The following CABCOCO1 variants were observed in gnomAD, a reference collection of about 807,000 sequenced individuals.
CABCOCO1 encodes ciliary associated calcium binding coiled-coil 1.
A neutral mutation model predicts 35.7 loss-of-function variants in CABCOCO1; 28 were observed. The ratio of observed to expected loss-of-function variants is 0.78; its 90% confidence interval spans 0.58 to 1.07. CABCOCO1 has a LOEUF of 1.07. Ranked by LOEUF, CABCOCO1 falls within the 50% of genes least tolerant of loss-of-function variation. The probability of loss-of-function intolerance (pLI) is 0.00; values close to 1 mark genes in which losing one functional copy is unlikely to be tolerated. For synonymous variants in CABCOCO1, 95 were observed against 100.1 expected (o/e 0.95, Z 0.30); for missense variants, 326 against 309.2 (o/e 1.05, Z -0.41).
At position 61,686,109 on chromosome 10, in the gene CABCOCO1, C is replaced by T; in HGVS notation, c.403C>T (p.His135Tyr). The change falls in exon 4 of 8, where the codon CAT becomes TAT. Residue 135 changes from histidine to tyrosine, a missense_variant. Physicochemically the swap from His to Tyr is moderately conservative, Grantham distance 83. Transcript: ENST00000648843. ...GEVMAEIGPT[H>Y]SQKSEDWNIF... Reference sequence around the variant, plus strand: ...AGTTATGGCTGAAATAGGACCAACACATTCGCAAAAGAGTGAGGACTGGAA... The same window carrying T: ...AGTTATGGCTGAAATAGGACCAACATATTCGCAAAAGAGTGAGGACTGGAA... The T allele has an allele frequency of 6.2e-7, 1 of 1,608,330 alleles. No individual in the cohort carries two copies. Among genetic ancestry groups the T allele is most frequent in the Non-Finnish European group, 8.5e-7 (1 of 1,178,054 alleles).
chr10:61,746,343 T>C (rs1462376073), intron 5 of CABCOCO1, among the ~76,000 whole-genome samples: 2 of 152,224 alleles, frequency 1.3e-5, no homozygotes, highest in Non-Finnish European at 2.9e-5. Context: ...TGACTCATTA[T>C]GATTTTTACA....
chr10:61,726,614 C>G (rs1322762754), intron 5 of CABCOCO1, among the ~76,000 whole-genome samples: 1 of 151,704 alleles, frequency 6.6e-6, no homozygotes, highest in Non-Finnish European at 1.5e-5. Context: ...AATAAAATCC[C>G]TTTATCTGGT....
intron 5 of CABCOCO1, among the ~76,000 whole-genome samples, chr10:61,742,177 A>G (rs1841563080): frequency 6.6e-6 from 1 of 152,172 alleles, no homozygotes; most frequent in African/African-American, 2.4e-5. Context: ...TCCAGGATTC[A>G]GTTTGAGTAG....
intron 1 of CABCOCO1, among the ~76,000 whole-genome samples, chr10:61,664,919 C>G (rs1291953719): frequency 2.6e-5 from 4 of 152,184 alleles, no homozygotes; most frequent in African/African-American, 9.7e-5. Flanking sequence ...AGGTTCTTCT[C>G]AGATCAAATT....
At chr10:61,736,945 G>A (rs1462387172) in intron 5 of CABCOCO1, among the ~76,000 whole-genome samples, 1 of 151,940 alleles carries the variant, frequency 6.6e-6, no homozygotes, top group Non-Finnish European at 1.5e-5. Flanking sequence ...CTCTCAGTTT[G>A]GTTGCTGCTG....
chr10:61,702,512 A>G (rs1344602503), intron 5 of CABCOCO1, among the ~76,000 whole-genome samples: 2 of 152,228 alleles, frequency 1.3e-5, no homozygotes, highest in African/African-American at 4.8e-5. Context: ...ATAAATATAT[A>G]GCTGGCTCTA....
At chr10:61,680,560 A>ATAACATATTATATG (rs1839710238) in intron 2 of CABCOCO1, among the ~76,000 whole-genome samples, 1 of 22,424 alleles carries the variant, frequency 4.5e-5, no homozygotes, top group African/African-American at 1.2e-4. Context: ...CATATAATAT[A>ATAACATATTATATG]TATTTGTATA....
intron 5 of CABCOCO1, among the ~76,000 whole-genome samples, chr10:61,714,920 C>G (rs1291711202): frequency 4.6e-5 from 7 of 152,102 alleles, no homozygotes; most frequent in Non-Finnish European, 2.9e-5. Flanking sequence ...CTGAGGAGTG[C>G]TTTACTTCCA....
At chr10:61,758,423 T>C (rs1841942731) in intron 5 of CABCOCO1, among the ~76,000 whole-genome samples, 1 of 152,110 alleles carries the variant, frequency 6.6e-6, no homozygotes. Context: ...AAATTCTTGT[T>C]TGCCCCATTT....
intron 1 of CABCOCO1, among the ~76,000 whole-genome samples, chr10:61,671,764 A>G (rs2131954703): frequency 6.6e-6 from 1 of 152,198 alleles, no homozygotes; most frequent in South Asian, 2.1e-4. Flanking sequence ...CCTCCAGTAG[A>G]TTACCCTTCC....
At chr10:61,681,091 T>A (rs1398645148) in intron 2 of CABCOCO1, 52 bp from the exon 3 acceptor site, 1 of 1,126,002 alleles carries the variant, frequency 8.9e-7, no homozygotes, top group African/African-American at 1.7e-5. Flanking sequence ...AGGAAAGAAA[T>A]GGTTCAATAT....
chr10:61,766,191 T>A lies in CABCOCO1; in HGVS notation c.*178T>A. 1 of 523,156 alleles carries A rather than the reference T, an allele frequency of 1.9e-6. No homozygotes were observed. The highest frequency in any genetic ancestry group is 3.0e-5 in the South Asian group (1 of 33,784). 32.4% of individuals were successfully genotyped at this position (523,156 alleles called of 1,614,324 possible). A position where few individuals can be genotyped will look rare whatever the true frequency, so the allele number is the denominator to read the frequency against. ...TTGGTCCCAATTTTGCTATCTCCCA[T>A]CCCATAACAGCCTCTGAATTTATTG... On this transcript the variant is annotated 3_prime_UTR_variant, in exon 8 of 8. Transcript: ENST00000648843.
intron 5 of CABCOCO1, among the ~76,000 whole-genome samples, chr10:61,701,193 A>G (rs1166548265): frequency 6.6e-6 from 1 of 152,072 alleles, no homozygotes; most frequent in African/African-American, 2.4e-5. Context: ...ACATGTTCTC[A>G]TTTTTAAAAA....
chr10:61,684,881 A>C (rs1490561882), intron 3 of CABCOCO1: 1 of 152,386 alleles, frequency 6.6e-6, no homozygotes, highest in East Asian at 1.9e-4. Context: ...TAACAGAACC[A>C]AACGAGAAAA....
chr10:61,680,404 ATAACATATATAATATATATTTATATAT>A (rs1364796064), intron 2 of CABCOCO1, among the ~76,000 whole-genome samples: 10 of 135,036 alleles, frequency 7.4e-5, no homozygotes, highest in Non-Finnish European at 1.2e-4. Context: ...ATTTTTATAT[ATAACATATATAATATATATTTATATAT>A]TAACATATAT....
intron 5 of CABCOCO1, among the ~76,000 whole-genome samples, chr10:61,723,134 AT>A (rs1841062733): frequency 6.6e-6 from 1 of 152,242 alleles, no homozygotes; most frequent in African/African-American, 2.4e-5. Context: ...CTTTAAAAGA[AT>A]AACACGTCAT....
At chr10:61,681,511 A>G (rs1839791921) in intron 3 of CABCOCO1, among the ~76,000 whole-genome samples, 199 bp downstream of exon 3, 1 of 152,118 alleles carries the variant, frequency 6.6e-6, no homozygotes. Flanking sequence ...TACAGTTTTC[A>G]TAATAGCCAA....
chr10:61,735,775 G>A (rs900629349), intron 5 of CABCOCO1, among the ~76,000 whole-genome samples: 1 of 152,100 alleles, frequency 6.6e-6, no homozygotes, highest in African/African-American at 2.4e-5. Context: ...TTGAAGAAGT[G>A]CTCACAATTC....
intron 5 of CABCOCO1, among the ~76,000 whole-genome samples, chr10:61,716,014 T>A (rs1363789086): frequency 1.3e-5 from 2 of 152,106 alleles, no homozygotes; most frequent in Non-Finnish European, 2.9e-5. Flanking sequence ...CTGAGGAGTA[T>A]CTCTGTGGAA....
Sources: gnomAD v4.1 joint callset for allele counts (sites outside exome capture counted in the v4.1 genomes callset) on GRCh38, gnomAD v4.1.1 for gene constraint, MANE v1.5 for transcripts, NCBI Gene and HGNC (gene_info 2026-07-23, HGNC 2026-07-21) for gene names.